The following SLC24A4 variants were observed in gnomAD, a reference collection of about 807,000 sequenced individuals.
The protein encoded by SLC24A4 is solute carrier family 24 member 4.
In SLC24A4, 53 loss-of-function variants were observed where a neutral mutation model predicts 79.0. The ratio of observed to expected loss-of-function variants is 0.67; its 90% CI spans 0.54 to 0.84. The LOEUF is 0.84. Ranked by LOEUF, SLC24A4 falls within the 40% of genes least tolerant of loss-of-function variation. The pLI, the probability that SLC24A4 is intolerant of heterozygous loss-of-function variation, is 0.00. For synonymous variants in SLC24A4, 323 were observed against 323.8 expected (o/e 1.00, Z 0.03); for missense variants, 731 against 822.0 (o/e 0.89, Z 1.35).
intron 12 of SLC24A4, among the ~76,000 whole-genome samples, chr14:92,469,400 T>C (rs12878453): frequency 0.67 from 102,042 of 151,374 alleles, 35,491 homozygotes; most frequent in Non-Finnish European, 0.76. Flanking sequence ...TCCCAGCTAC[T>C]CAGGAGGCTG....
intron 2 of SLC24A4, among the ~76,000 whole-genome samples, chr14:92,431,861 T>C (rs368180135): frequency 6.6e-6 from 1 of 152,184 alleles, no homozygotes; most frequent in African/African-American, 2.4e-5. Flanking sequence ...CAGTCGACAG[T>C]GTGGCGTGAT....
intron 2 of SLC24A4, among the ~76,000 whole-genome samples, chr14:92,357,799 C>T (rs143341861): frequency 2.8e-3 from 430 of 152,314 alleles, no homozygotes; most frequent in African/African-American, 9.2e-3. Flanking sequence ...AATGCACTTA[C>T]GGCCTCTGAA....
intron 2 of SLC24A4, among the ~76,000 whole-genome samples, chr14:92,372,956 TCC>T (rs1888274593): frequency 7.2e-6 from 1 of 139,740 alleles, no homozygotes; most frequent in African/African-American, 2.6e-5. Flanking sequence ...TCTCTCTCTC[TCC>T]CTCTCTCTCT....
intron 2 of SLC24A4, among the ~76,000 whole-genome samples, chr14:92,335,797 A>G (rs576383365): frequency 6.6e-5 from 10 of 152,320 alleles, no homozygotes; most frequent in Admixed American, 4.6e-4. Context: ...TGTGATTCCT[A>G]TATTCCTTAC....
intron 2 of SLC24A4, among the ~76,000 whole-genome samples, chr14:92,361,744 G>T (rs1262227460): frequency 6.6e-6 from 1 of 152,126 alleles, no homozygotes; most frequent in Non-Finnish European, 1.5e-5. Context: ...CTTTGAGTGG[G>T]GTGTTTGGGT....
At chr14:92,431,644 G>A (rs910394013) in intron 2 of SLC24A4, among the ~76,000 whole-genome samples, 2 of 152,216 alleles carry the variant, frequency 1.3e-5, no homozygotes, top group African/African-American at 2.4e-5. Flanking sequence ...AGGGCATGCC[G>A]CACATAATAA....
At chr14:92,383,163 G>A (rs890732656) in intron 2 of SLC24A4, among the ~76,000 whole-genome samples, 4 of 152,172 alleles carry the variant, frequency 2.6e-5, no homozygotes, top group Admixed American at 1.3e-4. Context: ...TCACAGTCAC[G>A]TCTAAAGACC....
chr14:92,377,723 G>A (rs12431574), intron 2 of SLC24A4, among the ~76,000 whole-genome samples: 14,844 of 152,158 alleles, frequency 0.098, 780 homozygotes, highest in Middle Eastern at 0.12. Context: ...ATCTGAATGT[G>A]CCAGTGGGCT....
In SLC24A4 at chr14:92,367,522, G is replaced by A. The variant is rs1182759005; in HGVS notation, c.241+41544G>A. On this transcript the variant is annotated intron_variant, in intron 2 of 16. Transcript: ENST00000532405. ...GTCTCCGGCCTACCTGGGAAGATGA[G>A]ATTTGAGGTCGTGAGCTGACATGCT... is the stretch of plus-strand genomic sequence containing the variant. Among the ~76,000 whole-genome samples, 15 of 152,326 alleles carry A rather than the reference G, an allele frequency of 9.8e-5. No homozygotes were observed. In the East Asian group the frequency reaches 2.5e-3, roughly 25 times the overall value.
intron 2 of SLC24A4, among the ~76,000 whole-genome samples, chr14:92,360,622 A>G (rs1365260602): frequency 2.0e-5 from 3 of 152,212 alleles, no homozygotes; most frequent in African/African-American, 7.2e-5. Context: ...GTGTTGGGTG[A>G]TACCTAGAAA....
chr14:92,456,540 C>T lies in SLC24A4; in HGVS notation c.1187C>T (p.Pro396Leu), dbSNP rs1287155553. ...CAGCAGAATCAGGAGCAGCAGCCGCCGCCACAGCCACCACCGCCAGAGCCA... is the reference window on the plus strand; with the variant it reads ...CAGCAGAATCAGGAGCAGCAGCCGCTGCCACAGCCACCACCGCCAGAGCCA... ...DPQQNQEQQP[P>L]PQPPPPEPEP... Residue 396 changes from proline to leucine, a missense_variant, in exon 12 of 17, where the codon CCG becomes CTG. Physicochemically the swap from Pro to Leu is moderately conservative, Grantham distance 98 (BLOSUM62 -3). Coordinates refer to ENST00000532405, the MANE Select transcript of SLC24A4 (RefSeq NM_153646.4). 8 of 1,613,766 alleles carry T rather than the reference C, an allele frequency of 5.0e-6. No individual in the cohort carries two copies. The East Asian group carries it at 8.9e-5, about 18-fold the overall frequency.
At chr14:92,338,783 C>T (rs1237871609) in intron 2 of SLC24A4, among the ~76,000 whole-genome samples, 1 of 152,232 alleles carries the variant, frequency 6.6e-6, no homozygotes, top group African/African-American at 2.4e-5. Flanking sequence ...AGGTGGAAAG[C>T]CATCCTTGGG....
chr14:92,373,689 C>T (rs530706489), intron 2 of SLC24A4, among the ~76,000 whole-genome samples: 72 of 152,318 alleles, frequency 4.7e-4, no homozygotes, highest in African/African-American at 1.3e-3. Flanking sequence ...TGGGTTTCGA[C>T]GACCGCACAT....
chr14:92,464,560 C>A (rs1893990595), intron 12 of SLC24A4, among the ~76,000 whole-genome samples: 1 of 150,222 alleles, frequency 6.7e-6, no homozygotes, highest in Non-Finnish European at 1.5e-5. Flanking sequence ...CAGGGGTGTG[C>A]TGATGCTATA....
At chr14:92,413,078 T>C (rs1890808189) in intron 2 of SLC24A4, among the ~76,000 whole-genome samples, 1 of 152,226 alleles carries the variant, frequency 6.6e-6, no homozygotes, top group South Asian at 2.1e-4. Flanking sequence ...AGAGACCATA[T>C]GGCCCGCAAA....
intron 12 of SLC24A4, among the ~76,000 whole-genome samples, chr14:92,474,843 G>A (rs866672750): frequency 0.07 from 1,674 of 23,912 alleles, 182 homozygotes; most frequent in East Asian, 0.4. Flanking sequence ...GTGTGTGTGT[G>A]TATATATATA....
chr14:92,348,639 T>G (rs758923305), intron 2 of SLC24A4, among the ~76,000 whole-genome samples: 2 of 152,228 alleles, frequency 1.3e-5, no homozygotes, highest in Non-Finnish European at 2.9e-5. Context: ...GTCCATTGAT[T>G]CATTTTCTGG....
At chr14:92,347,710 C>A (rs191810049) in intron 2 of SLC24A4, among the ~76,000 whole-genome samples, 111 of 152,170 alleles carry the variant, frequency 7.3e-4, no homozygotes, top group Non-Finnish European at 4.7e-4. Context: ...GGGTGAATCA[C>A]GAGGTCAGGA....
At chr14:92,423,820 A>G (rs1243763472) in intron 2 of SLC24A4, among the ~76,000 whole-genome samples, 4 of 152,192 alleles carry the variant, frequency 2.6e-5, no homozygotes, top group African/African-American at 9.6e-5. Flanking sequence ...GAAGCAGGGC[A>G]TTGTGTGCAT....
Sources: allele counts gnomAD v4.1 joint callset (sites outside exome capture counted in the v4.1 genomes callset), GRCh38; gene constraint gnomAD v4.1.1; transcripts MANE v1.5; gene names NCBI Gene and HGNC (gene_info 2026-07-23, HGNC 2026-07-21).